The following EHD1 variants were observed in gnomAD, a reference collection of about 807,000 sequenced individuals.
The protein encoded by EHD1 is EH domain containing 1, also known as EH domain-containing protein 1.
In EHD1, 19 loss-of-function variants were observed where a neutral mutation model predicts 39.0. The ratio of observed to expected loss-of-function variants is 0.49; its 90% confidence interval spans 0.34 to 0.72. EHD1 has a LOEUF of 0.72. Ranked by LOEUF, EHD1 falls within the 30% of genes least tolerant of loss-of-function variation. The pLI is 0.01. For synonymous variants in EHD1, 323 were observed against 331.2 expected (o/e 0.98, Z 0.27); for missense variants, 542 against 751.5 (o/e 0.72, Z 3.26).
intron 1 of EHD1, among the ~76,000 whole-genome samples, chr11:64,875,098 G>C (rs1482361503): frequency 1.3e-5 from 2 of 152,238 alleles, no homozygotes; most frequent in East Asian, 3.8e-4. Context: ...AGCAGGCTGA[G>C]GAAGAACAAA....
At chr11:64,866,338 G>T (rs1943766516) in intron 2 of EHD1, among the ~76,000 whole-genome samples, 1 of 152,078 alleles carries the variant, frequency 6.6e-6, no homozygotes, top group South Asian at 2.1e-4. Context: ...AGTACACATG[G>T]CAACAAAGAA....
chr11:64,879,086 C>T, upstream of EHD1: 13 of 999,504 alleles, frequency 1.3e-5, no homozygotes, highest in Non-Finnish European at 1.5e-5. Context: ...GGAGTACCCC[C>T]AGGCGGCGGC....
At chr11:64,872,752 C>A (rs768173354) in intron 2 of EHD1, among the ~76,000 whole-genome samples, 1 of 152,192 alleles carries the variant, frequency 6.6e-6, no homozygotes, top group Non-Finnish European at 1.5e-5. Context: ...CCCACACGGG[C>A]AAGGCCCGCA....
chr11:64,878,868 G>GA, upstream of EHD1: 1 of 1,079,992 alleles, frequency 9.3e-7, no homozygotes, highest in Non-Finnish European at 1.1e-6. Flanking sequence ...GGAGGCTCGC[G>GA]AAAGTGCTGC....
At chr11:64,878,882 T>G, upstream of EHD1, 1 of 1,052,882 alleles carries the variant, frequency 9.5e-7, no homozygotes, top group Non-Finnish European at 1.1e-6. Flanking sequence ...GTGCTGCGGT[T>G]AGGAAGGCGA....
intron 3 of EHD1, chr11:64,855,868 C>T: frequency 4.6e-6 from 1 of 219,548 alleles, no homozygotes; most frequent in Non-Finnish European, 9.1e-6. Context: ...CAACCCTCAC[C>T]ACGCATCACA....
intron 2 of EHD1, among the ~76,000 whole-genome samples, chr11:64,873,821 C>T (rs1309468): frequency 6.6e-6 from 1 of 151,718 alleles, no homozygotes; most frequent in Non-Finnish European, 1.5e-5. Context: ...GGACTACAGG[C>T]GCCCACCAAC....
chr11:64,857,190 C>T (rs945530323), intron 3 of EHD1, among the ~76,000 whole-genome samples: 2 of 152,108 alleles, frequency 1.3e-5, no homozygotes, highest in Non-Finnish European at 2.9e-5. Flanking sequence ...TTTGGGAGGC[C>T]GAGGCAGGCG....
At chr11:64,860,421 C>T in intron 2 of EHD1, 85 bp from the exon 3 acceptor site, 1 of 1,491,080 alleles carries the variant, frequency 6.7e-7, no homozygotes, top group African/African-American at 1.4e-5. Context: ...CCTGGTATTT[C>T]TCAGCCTGAG....
rs1325840009 is a variant in EHD1, at chr11:64,860,151, T to A, written c.688A>T (p.Met230Leu). 1.2e-6 allele frequency: 2 copies of A among 1,614,162 alleles called. No individual in the cohort carries two copies. The highest frequency in any genetic ancestry group is 1.7e-5 in the Admixed American group (1 of 60,036). The change falls in exon 3 of 5, where the codon ATG becomes TTG. Residue 230 changes from methionine to leucine, a missense_variant. Met to Leu is a conservative substitution (Grantham distance 15). Coordinates refer to ENST00000320631, the MANE Select transcript of EHD1 (RefSeq NM_006795.4). The stretch of plus-strand genomic sequence containing the variant: ...CACATGAGGGCCCCGTACACCCGCA[T>A]CAGCTGCTGCGTCTCGATCTGGTCT... ...KADQIETQQL[M>L]RVYGALMWSL...
chr11:64,860,375 G>A (rs1388734122), intron 2 of EHD1, 39 bp from the exon 3 acceptor site: 1 of 1,582,654 alleles, frequency 6.3e-7, no homozygotes, highest in South Asian at 1.1e-5. Context: ...GGCGCCAAGG[G>A]ACCTGCTGCT....
chr11:64,854,280 C>A lies in EHD1; in HGVS notation c.*53G>T, dbSNP rs934794441. 26 of 1,536,666 alleles carry A rather than the reference C, an allele frequency of 1.7e-5. 1 individual carries two copies. The highest frequency in any genetic ancestry group is 1.5e-4 in the Admixed American group (8 of 53,414). On this transcript the variant is annotated 3_prime_UTR_variant, in exon 5 of 5. Coordinates refer to ENST00000320631, the MANE Select transcript of EHD1 (RefSeq NM_006795.4). ...GAAATGGTGAGGCTTCCCCTCCCCC[C>A]GTCTCTGCCTCCCGGCCGGGCGTGC... is the stretch of plus-strand genomic sequence containing the variant.
At chr11:64,866,082 C>T (rs1349515247) in intron 2 of EHD1, among the ~76,000 whole-genome samples, 3 of 152,076 alleles carry the variant, frequency 2.0e-5, no homozygotes, top group East Asian at 1.9e-4. Context: ...GCACTATTCA[C>T]GATAGCAAAG....
upstream of EHD1, chr11:64,879,503 C>T: frequency 6.7e-7 from 1 of 1,481,786 alleles, no homozygotes; most frequent in Non-Finnish European, 9.2e-7. Context: ...ACAATGAAAT[C>T]TTGTGGGAAT....
chr11:64,855,171 GA>G, intron 4 of EHD1, 150 bp downstream of exon 4: 1 of 1,243,584 alleles, frequency 8.0e-7, no homozygotes, highest in African/African-American at 1.5e-5. Flanking sequence ...GGTCAACTCT[GA>G]GTTGGGTGGG....
intron 3 of EHD1, among the ~76,000 whole-genome samples, chr11:64,857,520 C>G (rs577835300): frequency 6.4e-4 from 97 of 152,346 alleles, no homozygotes; most frequent in Non-Finnish European, 1.0e-3. Context: ...CCCGTGCACA[C>G]AGCTCACGGA....
Position 64,852,580 on chromosome 11 carries a change from G to C in EHD1, c.*1753C>G, listed in dbSNP as rs1943593721. 6.6e-6 allele frequency: 1 copy of C among 152,414 alleles called. No homozygotes were observed. Among genetic ancestry groups the C allele is most frequent in the Admixed American group, 6.5e-5 (1 of 15,286 alleles). The allele number at this position is 152,414 out of a possible 1,614,324, so 9.4% of individuals were successfully genotyped here. On this transcript the variant is annotated 3_prime_UTR_variant, in exon 5 of 5. Transcript: ENST00000320631. ...CTGGCCCTCTTAGTAGGAGGGGGCA[G>C]CTACTGCCCAGCAGAGCAGGACTGG...
intron 2 of EHD1, among the ~76,000 whole-genome samples, chr11:64,862,526 T>C (rs1327693925): frequency 6.6e-6 from 1 of 152,186 alleles, no homozygotes; most frequent in African/African-American, 2.4e-5. Flanking sequence ...AAGCTGCATG[T>C]TCAGAATGGC....
In EHD1 at chr11:64,852,935, CCT is replaced by C. The variant is rs1049641791; in HGVS notation, c.*1396_*1397del. ...TCCGAGCAGCGCTGGGGAGAAGCTC[CCT>C]GAGACCCCCGCGGGAAAGCCTGGTG... On this transcript the variant is annotated 3_prime_UTR_variant, in exon 5 of 5. Coordinates refer to ENST00000320631, the MANE Select transcript of EHD1 (RefSeq NM_006795.4). 1 of 152,408 alleles carries C rather than the reference CCT, an allele frequency of 6.6e-6. No individual in the cohort carries two copies. Among genetic ancestry groups the C allele is most frequent in the African/African-American group, 2.4e-5 (1 of 41,470 alleles). 9.4% of individuals were successfully genotyped at this position (152,408 alleles called of 1,614,324 possible). A position where few individuals can be genotyped will look rare whatever the true frequency, so the allele number is the denominator to read the frequency against.
Sources: gnomAD v4.1 joint callset for allele counts (sites outside exome capture counted in the v4.1 genomes callset) on GRCh38, gnomAD v4.1.1 for gene constraint, MANE v1.5 for transcripts, NCBI Gene and HGNC (gene_info 2026-07-23, HGNC 2026-07-21) for gene names.